ZNF420: variants seen among roughly 807,000 people sequenced by gnomAD.
ZNF420 encodes the protein ATM and p53-associated KZNF protein.
Under a neutral mutation model 44.7 loss-of-function variants are expected in ZNF420, and 31 were observed. The observed-to-expected ratio is 0.69, with a 90% CI of 0.52 to 0.94. The LOEUF is 0.94. Ranked by LOEUF, ZNF420 falls within the 40% of genes least tolerant of loss-of-function variation. The pLI, the probability that ZNF420 is intolerant of heterozygous loss-of-function variation, is 0.00. For synonymous variants in ZNF420, 245 were observed against 267.4 expected, an observed-to-expected ratio of 0.92 and a Z score of 0.82; for missense variants, 681 against 827.9, an observed-to-expected ratio of 0.82 and a Z score of 2.18.
intron 4 of ZNF420, among the ~76,000 whole-genome samples, chr19:37,099,504 CTA>C (rs935738589): frequency 2.6e-4 from 39 of 152,136 alleles, no homozygotes; most frequent in African/African-American, 9.2e-4. Flanking sequence ...AATCTTTTGA[CTA>C]TTTTTTAATC....
chr19:37,057,639 G>C (rs150425725), intron 1 of ZNF420, among the ~76,000 whole-genome samples: 1,632 of 152,108 alleles, frequency 0.011, 24 homozygotes, highest in South Asian at 0.045. Flanking sequence ...TCATGTGGCC[G>C]GTTGTCAATC....
At chr19:37,065,169 C>G (rs1464649110) in intron 1 of ZNF420, among the ~76,000 whole-genome samples, 1 of 152,144 alleles carries the variant, frequency 6.6e-6, no homozygotes, top group African/African-American at 2.4e-5. Flanking sequence ...AAGGAGCCAG[C>G]AAGTCTAGAT....
At chr19:37,100,298 C>CTGTT (rs1288893261) in intron 4 of ZNF420, among the ~76,000 whole-genome samples, 2 of 152,008 alleles carry the variant, frequency 1.3e-5, no homozygotes, top group African/African-American at 4.8e-5. Context: ...GTTCTCTATC[C>CTGTT]TGTTCCATTT....
In ZNF420 at chr19:37,010,407, C is replaced by T. The variant is rs143810267; in HGVS notation, c.-125+2325C>T. 3.3e-4 allele frequency among the ~76,000 whole-genome samples: 50 copies of T among 152,246 alleles called. No individual in the cohort carries two copies. The East Asian group carries it at 7.8e-3, about 24-fold the overall frequency. ...ACATGTCTGCTTGTGTGCCCGTGGG[C>T]TGCTCTCTCACTTGAGAATCGTTCT... On this transcript the variant is annotated intron_variant, in intron 1 of 4. Coordinates refer to the ZNF420 transcript ENST00000587029.
chr19:37,086,297 T>C (rs1291137953), intron 2 of ZNF420, among the ~76,000 whole-genome samples: 1 of 152,146 alleles, frequency 6.6e-6, no homozygotes, highest in East Asian at 1.9e-4. Flanking sequence ...ATTTCATGGT[T>C]GGGGTTGGGG....
upstream of ZNF420, chr19:37,078,410 T>C (rs1475720985): frequency 6.6e-6 from 1 of 152,266 alleles, no homozygotes; most frequent in Non-Finnish European, 1.5e-5. Context: ...TCCCGGAGCG[T>C]AGCTTCATTT....
At chr19:37,061,416 A>G (rs1477362673) in intron 1 of ZNF420, among the ~76,000 whole-genome samples, 1 of 152,188 alleles carries the variant, frequency 6.6e-6, no homozygotes, top group Non-Finnish European at 1.5e-5. Context: ...GAGTAATTTG[A>G]TATTTATCAG....
intron 4 of ZNF420, among the ~76,000 whole-genome samples, chr19:37,114,783 A>T (rs1430391079): frequency 2.0e-5 from 3 of 152,156 alleles, no homozygotes; most frequent in Non-Finnish European, 4.4e-5. Context: ...TCCTGTTTGA[A>T]ACAGTTCTAA....
intron 3 of ZNF420, among the ~76,000 whole-genome samples, chr19:37,090,217 G>A (rs1008579712): frequency 3.3e-5 from 5 of 152,188 alleles, no homozygotes; most frequent in African/African-American, 1.2e-4. Context: ...GAAAATATGT[G>A]TAGCAGGCCA....
chr19:37,011,193 G>A (rs1270787702), intron 1 of ZNF420, among the ~76,000 whole-genome samples: 2 of 152,184 alleles, frequency 1.3e-5, no homozygotes, highest in Non-Finnish European at 2.9e-5. Flanking sequence ...AGTCCAACAG[G>A]GAGAAAGTGG....
intron 4 of ZNF420, among the ~76,000 whole-genome samples, chr19:37,100,221 A>G (rs749535291): frequency 3.3e-5 from 5 of 152,008 alleles, no homozygotes; most frequent in African/African-American, 7.3e-5. Context: ...CCTTTTCCCA[A>G]TGTGTGTTCT....
At chr19:37,089,457 G>A (rs1384015891) in intron 3 of ZNF420, among the ~76,000 whole-genome samples, 3 of 152,180 alleles carry the variant, frequency 2.0e-5, no homozygotes, top group Admixed American at 6.5e-5. Context: ...CTTCTCTTTA[G>A]ATCTAAGTTC....
chr19:37,067,519 A>G (rs1286486399), intron 1 of ZNF420, among the ~76,000 whole-genome samples: 1 of 152,216 alleles, frequency 6.6e-6, no homozygotes, highest in East Asian at 1.9e-4. Context: ...TAGCGAATGT[A>G]TGGGTATTTT....
intron 1 of ZNF420, among the ~76,000 whole-genome samples, chr19:37,020,549 C>G (rs1011362218): frequency 6.6e-6 from 1 of 152,192 alleles, no homozygotes. Flanking sequence ...CTGTCTTTGA[C>G]GGTCAAGCTG....
intron 1 of ZNF420, among the ~76,000 whole-genome samples, chr19:37,023,673 G>A (rs555612126): frequency 6.6e-6 from 1 of 152,170 alleles, no homozygotes; most frequent in South Asian, 2.1e-4. Context: ...GCCCAAAAGA[G>A]GTTTTCTTGT....
At chr19:37,075,730 A>C (rs1968135180), upstream of ZNF420, among the ~76,000 whole-genome samples, 1 of 152,158 alleles carries the variant, frequency 6.6e-6, no homozygotes. Flanking sequence ...CGACAGAGTG[A>C]GACTCTGTCT....
intron 4 of ZNF420, chr19:37,092,304 A>G (rs1249034183): frequency 6.6e-6 from 1 of 152,042 alleles, no homozygotes; most frequent in East Asian, 1.9e-4. Flanking sequence ...ACTCTTACCT[A>G]ATTTCTACTG....
At chr19:37,027,294 G>A (rs569929101) in intron 1 of ZNF420, among the ~76,000 whole-genome samples, 2 of 152,276 alleles carry the variant, frequency 1.3e-5, no homozygotes, top group South Asian at 4.2e-4. Flanking sequence ...TAGAACAGTT[G>A]TAGGTGTACA....
intron 1 of ZNF420, among the ~76,000 whole-genome samples, chr19:37,043,052 T>C (rs996085860): frequency 6.6e-6 from 1 of 152,186 alleles, no homozygotes; most frequent in African/African-American, 2.4e-5. Context: ...AGGGACCTGA[T>C]TCATGGCCTC....
Sources: allele counts gnomAD v4.1 joint callset (sites outside exome capture counted in the v4.1 genomes callset), GRCh38; gene constraint gnomAD v4.1.1; transcripts MANE v1.5; gene names NCBI Gene and HGNC (gene_info 2026-07-23, HGNC 2026-07-21).